MAGED1: variants seen among roughly 807,000 people sequenced by gnomAD.
MAGED1 encodes the protein melanoma-associated antigen D1.
A neutral mutation model predicts 54.1 loss-of-function variants in MAGED1; 3 were observed. The observed-to-expected ratio is 0.06, with a 90% CI of 0.03 to 0.14. The LOEUF (loss-of-function observed/expected upper bound fraction) is 0.14. MAGED1 is among the 10% of genes least tolerant of loss of function. The pLI is 1.00. For synonymous variants in MAGED1, 217 were observed against 227.3 expected, an observed-to-expected ratio of 0.95 and a Z score of 0.41; for missense variants, 485 against 623.4, an observed-to-expected ratio of 0.78 and a Z score of 2.36.
At chrX:51,866,196 A>T (rs1927454206) in intron 1 of MAGED1, among the ~76,000 whole-genome samples, 2 of 112,172 alleles carry the variant, frequency 1.8e-5, no homozygotes, top group Non-Finnish European at 3.8e-5. Context: ...CTTTTTAGTC[A>T]GTTTTTACAT....
rs72619094 is a variant in MAGED1 at position 51,894,026 on chromosome X, C to T, written c.-36-243C>T. 7.4e-3 allele frequency among the ~76,000 whole-genome samples: 815 copies of T among 110,471 alleles called. 20 individuals carry two copies. The East Asian group carries it at 0.1, about 14-fold the overall frequency. ...TTCCCAAATGCGAATCCCAACCCAA[C>T]CGCACCCCCGCTCCGAATTCAGAAC... On this transcript the variant is annotated intron_variant, in intron 1 of 12. Coordinates refer to ENST00000326587, the MANE Select transcript of MAGED1 (RefSeq NM_006986.4).
chrX:51,811,529 C>T (rs1925219382), intron 1 of MAGED1, among the ~76,000 whole-genome samples: 2 of 111,231 alleles, frequency 1.8e-5, no homozygotes, highest in South Asian at 7.6e-4. Context: ...GGAACCACAT[C>T]TCATATGTGG....
chrX:51,836,181 G>A (rs782497438), intron 1 of MAGED1, among the ~76,000 whole-genome samples: 1 of 104,521 alleles, frequency 9.6e-6, no homozygotes, highest in South Asian at 4.3e-4. Flanking sequence ...TCAATTCTTG[G>A]TTGGTTTCAA....
Position 51,897,837 on chromosome X carries a change from C to T in MAGED1, c.1609C>T (p.Leu537=). Residue 537 remains leucine (L), a synonymous_variant, in exon 7 of 13, where the codon CTG becomes TTG. Transcript: ENST00000326587. ...GAAAGAAATTGACAAAGAAGAACAC[C>T]TGTATATTCTCATCAGTACCCCCGA... is the stretch of plus-strand genomic sequence containing the variant. The part of the protein sequence containing the change: ...QLKEIDKEEH[L]YILISTPESL... 8.3e-7 allele frequency: 1 copy of T among 1,207,273 alleles called. No individual in the cohort carries two copies. Among genetic ancestry groups the T allele is most frequent in the Non-Finnish European group, 1.1e-6 (1 of 893,025 alleles).
At position 51,901,710 on chromosome X, in the gene MAGED1, G is replaced by A. The variant is rs1557364984; in HGVS notation, c.2117G>A (p.Ser706Asn). Residue 706 changes from serine to asparagine, a missense_variant, in exon 12 of 13, where the codon AGC (serine) becomes AAC (asparagine). Coordinates refer to ENST00000326587, the MANE Select transcript of MAGED1 (RefSeq NM_006986.4). ...IGDEAVSGPW[S>N]WDDIEFELLT... ...GATGAGGCTGTGTCTGGGCCCTGGA[G>A]CTGGGATGACATTGAGTTTGAGCTG... 4.1e-6 allele frequency: 5 copies of A among 1,209,539 alleles called. No individual in the cohort carries two copies. The highest frequency in any genetic ancestry group is 5.6e-6 in the Non-Finnish European group (5 of 895,149).
chrX:51,879,000 G>T (rs1927967133), intron 1 of MAGED1, among the ~76,000 whole-genome samples: 1 of 111,532 alleles, frequency 9.0e-6, no homozygotes, highest in Admixed American at 9.5e-5. Context: ...TTGCTTTAAA[G>T]TACTATGTCT....
At chrX:51,803,627 CTTTTT>C (rs1179676499) in intron 1 of MAGED1, among the ~76,000 whole-genome samples, 1 of 60,467 alleles carries the variant, frequency 1.7e-5, no homozygotes, top group Non-Finnish European at 3.1e-5. Context: ...AAGGTCAAGG[CTTTTT>C]TTTTTTTTTT....
chrX:51,898,920 C>G lies in MAGED1; in HGVS notation c.1844+277C>G, dbSNP rs1340517430. 4.1e-5 allele frequency: 10 copies of G among 246,698 alleles called. No homozygotes were observed. The Admixed American group carries it at 6.3e-4, about 16-fold the overall frequency. 20.3% of individuals were successfully genotyped at this position (246,698 alleles called of 1,213,427 possible). A position where few individuals can be genotyped will look rare whatever the true frequency, so the allele number is the denominator to read the frequency against. Reference sequence around the variant, plus strand: ...TTGGGAGGCTGAGGTAGGGGAGAATCATCTGAGCCCAGGAAGTTGAGGCTG... The same window carrying G: ...TTGGGAGGCTGAGGTAGGGGAGAATGATCTGAGCCCAGGAAGTTGAGGCTG... On this transcript the variant is annotated intron_variant, in intron 10 of 12. Coordinates refer to ENST00000326587, the MANE Select transcript of MAGED1 (RefSeq NM_006986.4).
intron 1 of MAGED1, among the ~76,000 whole-genome samples, chrX:51,859,260 A>G (rs370012300): frequency 9.0e-6 from 1 of 110,771 alleles, no homozygotes; most frequent in Non-Finnish European, 1.9e-5. Flanking sequence ...GAAATATATT[A>G]TTGTTGGTTC....
intron 1 of MAGED1, among the ~76,000 whole-genome samples, chrX:51,840,333 G>A (rs1275002983): frequency 2.7e-5 from 3 of 110,410 alleles, no homozygotes; most frequent in Non-Finnish European, 1.9e-5. Flanking sequence ...ATGAACCAAG[G>A]CCTTTTGGGG....
intron 1 of MAGED1, among the ~76,000 whole-genome samples, chrX:51,812,507 A>G (rs1557355604): frequency 8.9e-6 from 1 of 112,172 alleles, no homozygotes; most frequent in Non-Finnish European, 1.9e-5. Flanking sequence ...GAGTCTTGAA[A>G]TATGTGGCCT....
intron 1 of MAGED1, among the ~76,000 whole-genome samples, chrX:51,839,077 C>A (rs373713164): frequency 2.7e-5 from 3 of 111,364 alleles, no homozygotes. Context: ...AAAATCAAAC[C>A]TCTTCCACTT....
chrX:51,832,946 A>G (rs1338445714), intron 1 of MAGED1, among the ~76,000 whole-genome samples: 2 of 111,844 alleles, frequency 1.8e-5, no homozygotes, highest in African/African-American at 6.5e-5. Context: ...GTCTTTATCT[A>G]CAATAGTATT....
intron 10 of MAGED1, chrX:51,899,724 G>A (rs1928924080): frequency 7.4e-6 from 1 of 135,146 alleles, no homozygotes; most frequent in Non-Finnish European, 1.4e-5. Context: ...TTACAGGTGT[G>A]AGCCACCACA....
At chrX:51,818,102 A>G (rs968577028) in intron 1 of MAGED1, among the ~76,000 whole-genome samples, 2 of 111,742 alleles carry the variant, frequency 1.8e-5, no homozygotes, top group Admixed American at 9.5e-5. Context: ...TTCACCATAG[A>G]GGTTTTAGCA....
At chrX:51,881,595 T>G (rs1928059167) in intron 1 of MAGED1, among the ~76,000 whole-genome samples, 1 of 109,173 alleles carries the variant, frequency 9.2e-6, no homozygotes, top group Admixed American at 9.8e-5. Context: ...TTTTGTATTT[T>G]CAGTAGAGAC....
intron 1 of MAGED1, among the ~76,000 whole-genome samples, chrX:51,845,304 G>A (rs1926644726): frequency 9.0e-6 from 1 of 111,685 alleles, no homozygotes; most frequent in African/African-American, 3.3e-5. Flanking sequence ...GTAAATACAT[G>A]CTACCTTTTA....
chrX:51,882,609 C>CAA (rs35286327), intron 1 of MAGED1, among the ~76,000 whole-genome samples: 52 of 44,323 alleles, frequency 1.2e-3, no homozygotes, highest in African/African-American at 2.8e-3. Context: ...AGGGCACAGA[C>CAA]AAAAAAAAAA....
At chrX:51,860,036 C>T (rs1163522297) in intron 1 of MAGED1, among the ~76,000 whole-genome samples, 1 of 111,367 alleles carries the variant, frequency 9.0e-6, no homozygotes, top group African/African-American at 3.3e-5. Context: ...AAGGCCGAGG[C>T]GGGCAGATCA....
Sources: gnomAD v4.1 joint callset for allele counts (sites outside exome capture counted in the v4.1 genomes callset) on GRCh38, gnomAD v4.1.1 for gene constraint, MANE v1.5 for transcripts, NCBI Gene and HGNC (gene_info 2026-07-23, HGNC 2026-07-21) for gene names.